Variants in PLCH1 observed in about 807,000 individuals in gnomAD.
PLCH1 encodes phospholipase C eta 1, also known as 1-phosphatidylinositol 4,5-bisphosphate phosphodiesterase eta-1.
PLCH1 carries 60 observed loss-of-function variants against 126.7 expected under a neutral mutation model. That is an observed-to-expected ratio of 0.47 (90% confidence interval 0.38 to 0.59). The LOEUF (loss-of-function observed/expected upper bound fraction) is 0.59. Among genes scored for constraint, PLCH1 ranks in the 20% least tolerant of loss-of-function variants. PLCH1 has a pLI of 0.00. For missense variants in PLCH1, 1,723 were observed against 2,040.0 expected (o/e 0.84, Z 2.99); for synonymous variants, 719 against 734.9 (o/e 0.98, Z 0.35).
intron 1 of PLCH1, among the ~76,000 whole-genome samples, chr3:155,726,652 CCT>C (rs1748346975): frequency 6.6e-6 from 1 of 151,222 alleles, no homozygotes; most frequent in Non-Finnish European, 1.5e-5. Context: ...AATTTTCTTT[CCT>C]CTCTTCTTTT....
intron 12 of PLCH1, among the ~76,000 whole-genome samples, chr3:155,508,914 G>T (rs1719053182): frequency 1.2e-5 from 1 of 84,324 alleles, no homozygotes; most frequent in Non-Finnish European, 2.2e-5. Context: ...GATTGGAATA[G>T]TTTCAGAAGG....
intron 12 of PLCH1, among the ~76,000 whole-genome samples, chr3:155,508,524 G>C (rs376422474): frequency 1.5e-5 from 2 of 132,152 alleles, no homozygotes; most frequent in South Asian, 5.4e-4. Context: ...TTTGAAATAC[G>C]TCCCATCAAT....
chr3:155,650,593 TAA>T (rs1208638176), intron 2 of PLCH1, among the ~76,000 whole-genome samples: 1 of 151,572 alleles, frequency 6.6e-6, no homozygotes, highest in East Asian at 1.9e-4. Context: ...AGTAGGAAAT[TAA>T]GAGAAAGTAG....
At chr3:155,542,705 C>A (rs1356454317) in intron 10 of PLCH1, among the ~76,000 whole-genome samples, 3 of 152,196 alleles carry the variant, frequency 2.0e-5, no homozygotes, top group Non-Finnish European at 4.4e-5. Context: ...AGAGAAACAA[C>A]CAGACAGCAG....
chr3:155,682,113 G>C (rs1744586429), intron 2 of PLCH1, among the ~76,000 whole-genome samples: 1 of 152,188 alleles, frequency 6.6e-6, no homozygotes. Context: ...TAGCCTCTGA[G>C]TGTCTGCTAA....
At chr3:155,713,110 A>C (rs934270220) in intron 1 of PLCH1, among the ~76,000 whole-genome samples, 1 of 151,952 alleles carries the variant, frequency 6.6e-6, no homozygotes, top group Non-Finnish European at 1.5e-5. Context: ...CACTGTCCCC[A>C]GTCCAGAGCA....
intron 12 of PLCH1, among the ~76,000 whole-genome samples, chr3:155,512,026 T>C (rs539583980): frequency 6.6e-6 from 1 of 151,290 alleles, no homozygotes; most frequent in Non-Finnish European, 1.5e-5. Flanking sequence ...TAGGACCCTC[T>C]GAGCCAGGTG....
At chr3:155,682,100 C>A (rs1456735197) in intron 2 of PLCH1, among the ~76,000 whole-genome samples, 1 of 152,192 alleles carries the variant, frequency 6.6e-6, no homozygotes, top group Non-Finnish European at 1.5e-5. Context: ...AAGGGTTAGA[C>A]TTTAGCCTCT....
intron 2 of PLCH1, among the ~76,000 whole-genome samples, chr3:155,665,674 C>G (rs940379762): frequency 1.3e-5 from 2 of 152,176 alleles, no homozygotes; most frequent in African/African-American, 4.8e-5. Context: ...TCAGCCCCGG[C>G]CTCACCAGAG....
At chr3:155,521,192 C>T (rs984913834) in intron 11 of PLCH1, among the ~76,000 whole-genome samples, 6 of 152,190 alleles carry the variant, frequency 3.9e-5, no homozygotes, top group Non-Finnish European at 5.9e-5. Context: ...TGCACACAGA[C>T]ACACACACAC....
At chr3:155,707,748 T>C (rs1414339339) in intron 1 of PLCH1, among the ~76,000 whole-genome samples, 1 of 152,074 alleles carries the variant, frequency 6.6e-6, no homozygotes, top group Non-Finnish European at 1.5e-5. Flanking sequence ...CAATAGATAA[T>C]GTAACATATA....
chr3:155,474,306 G>A (rs1310517052), intron 21 of PLCH1, among the ~76,000 whole-genome samples: 56 of 136,802 alleles, frequency 4.1e-4, no homozygotes, highest in South Asian at 2.2e-3. Flanking sequence ...CATTTATGCA[G>A]CCAAAAAACA....
intron 2 of PLCH1, among the ~76,000 whole-genome samples, chr3:155,629,105 T>G (rs935413679): frequency 3.3e-5 from 5 of 152,204 alleles, no homozygotes; most frequent in Middle Eastern, 3.2e-3. Context: ...TGGTGAAGAT[T>G]AAATGAAATA....
intron 22 of PLCH1, among the ~76,000 whole-genome samples, chr3:155,484,398 T>C (rs1576791191): frequency 6.6e-6 from 1 of 152,222 alleles, no homozygotes; most frequent in East Asian, 1.9e-4. Flanking sequence ...GTTCTTTTTC[T>C]CCTTCAAATA....
chr3:155,487,100 A>G (rs1715346785), intron 21 of PLCH1: 1 of 152,204 alleles, frequency 6.6e-6, no homozygotes, highest in African/African-American at 2.4e-5. Flanking sequence ...ATATGAAAAT[A>G]AACTTTACAC....
chr3:155,591,726 C>A (rs749499901), intron 4 of PLCH1, among the ~76,000 whole-genome samples: 1 of 151,992 alleles, frequency 6.6e-6, no homozygotes, highest in South Asian at 2.1e-4. Context: ...TCTTTAGAAT[C>A]TTCAGGGTTT....
At chr3:155,560,826 C>T (rs1354947516) in intron 8 of PLCH1, among the ~76,000 whole-genome samples, 1 of 152,160 alleles carries the variant, frequency 6.6e-6, no homozygotes, top group Admixed American at 6.6e-5. Flanking sequence ...ATGGCATCTC[C>T]ATTCAATCAT....
intron 12 of PLCH1, among the ~76,000 whole-genome samples, chr3:155,513,541 C>G (rs1719899349): frequency 6.6e-6 from 1 of 152,140 alleles, no homozygotes; most frequent in African/African-American, 2.4e-5. Flanking sequence ...GGACAAGAAG[C>G]AGAATCAAGA....
intron 21 of PLCH1, among the ~76,000 whole-genome samples, chr3:155,455,009 T>C (rs1289007012): frequency 6.6e-6 from 1 of 152,230 alleles, no homozygotes; most frequent in East Asian, 1.9e-4. Context: ...TAGTCTATAG[T>C]ACCACCTTGA....
Sources: gnomAD v4.1 joint callset for allele counts (sites outside exome capture counted in the v4.1 genomes callset) on GRCh38, gnomAD v4.1.1 for gene constraint, MANE v1.5 for transcripts, NCBI Gene and HGNC (gene_info 2026-07-23, HGNC 2026-07-21) for gene names.